MARCHF7: variants seen among roughly 807,000 people sequenced by gnomAD.
MARCHF7 encodes E3 ubiquitin-protein ligase MARCHF7.
In MARCHF7, 20 loss-of-function variants were observed where a neutral mutation model predicts 76.5. The observed-to-expected ratio is 0.26, with a 90% confidence interval of 0.18 to 0.38. The LOEUF (loss-of-function observed/expected upper bound fraction) is 0.38. MARCHF7 is among the 10% of genes least tolerant of loss of function. The pLI is 1.00. For synonymous variants in MARCHF7, 295 were observed against 293.0 expected (o/e 1.01, Z -0.07); for missense variants, 797 against 812.9 (o/e 0.98, Z 0.24).
intron 3 of MARCHF7, among the ~76,000 whole-genome samples, chr2:159,718,304 G>C (rs1246251226): frequency 6.6e-6 from 1 of 151,988 alleles, no homozygotes; most frequent in African/African-American, 2.4e-5. Context: ...CCTAGCCTCA[G>C]TTTTCTATTT....
At chr2:159,760,762 C>G (rs1020633351) in intron 9 of MARCHF7, among the ~76,000 whole-genome samples, 1 of 150,766 alleles carries the variant, frequency 6.6e-6, no homozygotes, top group Non-Finnish European at 1.5e-5. Flanking sequence ...CTCTGTCATG[C>G]CTTTTCCTTT....
At chr2:159,742,534 T>A (rs1337433784) in intron 4 of MARCHF7, among the ~76,000 whole-genome samples, 2 of 140,064 alleles carry the variant, frequency 1.4e-5, no homozygotes, top group Non-Finnish European at 3.2e-5. Context: ...CAGTGTTTCA[T>A]AACCAAGTGT....
In MARCHF7 at chr2:159,729,046, T is replaced by A. The variant is rs1340408411; in HGVS notation, c.24T>A (p.Ile8=). ...GAATGGAGTCTAAACCTTCAAGGAT[T>A]CCAAGAAGAATTTCTGTTCAACCTT... MESKPSR[I]PRRISVQPSS... is the part of the protein sequence containing the mutation. The change falls in exon 4 of 12, where the codon ATT becomes ATA. Residue 8 remains isoleucine (I), a synonymous_variant. Transcript: ENST00000409175. 6.3e-7 allele frequency: 1 copy of A among 1,590,060 alleles called. No homozygotes were observed. The highest frequency in any genetic ancestry group is 8.5e-7 in the Non-Finnish European group (1 of 1,172,514).
At chr2:159,764,255 T>TGTGTGTGTGTGTGTGTGCGCGCGC (rs10592175) in intron 10 of MARCHF7, among the ~76,000 whole-genome samples, 8 of 131,364 alleles carry the variant, frequency 6.1e-5, no homozygotes, top group East Asian at 2.3e-4. Context: ...TGTGTGTGTG[T>TGTGTGTGTGTGTGTGTGCGCGCGC]GCGCGCGCCC....
In MARCHF7 at chr2:159,757,969, C is replaced by T. The variant is rs147984988; in HGVS notation, c.1784-1257C>T. On this transcript the variant is annotated intron_variant, in intron 8 of 11. Transcript: ENST00000409175. ...GTACATAAGTTACTGCTGTCTTGGA[C>T]CTTATGCCAAATTTTACTCTTAAAA... Among the ~76,000 whole-genome samples, 59 of 152,254 alleles carry T rather than the reference C, an allele frequency of 3.9e-4. 3 individuals carry two copies. In the East Asian group the frequency reaches 0.011, roughly 28 times the overall value.
At chr2:159,723,847 T>C (rs1701891169) in intron 3 of MARCHF7, among the ~76,000 whole-genome samples, 1 of 152,134 alleles carries the variant, frequency 6.6e-6, no homozygotes, top group South Asian at 2.1e-4. Context: ...TACCACCATC[T>C]CTACCACATG....
chr2:159,729,724 A>G (rs1031198505), intron 4 of MARCHF7, among the ~76,000 whole-genome samples: 2 of 152,026 alleles, frequency 1.3e-5, no homozygotes, highest in African/African-American at 2.4e-5. Flanking sequence ...ACGTAAAAAC[A>G]TAAGTATAAA....
intron 10 of MARCHF7, among the ~76,000 whole-genome samples, chr2:159,764,009 C>G (rs937806264): frequency 1.3e-5 from 2 of 152,084 alleles, no homozygotes; most frequent in African/African-American, 4.8e-5. Flanking sequence ...TACCTTAAGT[C>G]TTCAGGATGA....
intron 1 of MARCHF7, among the ~76,000 whole-genome samples, chr2:159,714,051 G>T (rs1303317608): frequency 6.6e-6 from 1 of 152,136 alleles, no homozygotes; most frequent in Non-Finnish European, 1.5e-5. Context: ...GGATGCCCAG[G>T]TTATGTTCTA....
chr2:159,744,030 C>T (rs1250687263), intron 5 of MARCHF7, among the ~76,000 whole-genome samples: 1 of 112,334 alleles, frequency 8.9e-6, no homozygotes, highest in Admixed American at 1.1e-4. Context: ...CTCTGTCGCC[C>T]AGGCTGGAGT....
At chr2:159,732,968 A>C in intron 4 of MARCHF7, 2 of 976,254 alleles carry the variant, frequency 2.0e-6, no homozygotes, top group Non-Finnish European at 2.4e-6. Flanking sequence ...TGAAAGAAAG[A>C]ATACATGTGA....
At chr2:159,739,277 C>T (rs1197311113) in intron 4 of MARCHF7, among the ~76,000 whole-genome samples, 2 of 152,252 alleles carry the variant, frequency 1.3e-5, no homozygotes, top group East Asian at 1.9e-4. Context: ...CACGCCTCCC[C>T]TGCTGCAGCC....
chr2:159,733,423 A>G, intron 4 of MARCHF7: 1 of 637,032 alleles, frequency 1.6e-6, no homozygotes, highest in Non-Finnish European at 2.0e-6. Flanking sequence ...TTTTTTGTAG[A>G]TGTGAAGTCT....
intron 4 of MARCHF7, among the ~76,000 whole-genome samples, chr2:159,740,302 T>G (rs1188572432): frequency 6.6e-6 from 1 of 152,224 alleles, no homozygotes; most frequent in Non-Finnish European, 1.5e-5. Context: ...TCAGTAAGTT[T>G]ATGCAGTCTG....
At chr2:159,741,273 G>GT (rs1704088455) in intron 4 of MARCHF7, among the ~76,000 whole-genome samples, 1 of 152,122 alleles carries the variant, frequency 6.6e-6, no homozygotes, top group South Asian at 2.1e-4. Flanking sequence ...GGAGACTGAG[G>GT]TGGGAGGATC....
rs1708028405 is a variant in MARCHF7 at position 159,768,680 on chromosome 2, T to G, written c.*1338T>G. 4 of 152,630 alleles carry G rather than the reference T, an allele frequency of 2.6e-5. No individual in the cohort carries two copies. The highest frequency in any genetic ancestry group is 4.1e-4 in the South Asian group (2 of 4,828). The allele number at this position is 152,630 out of a possible 1,614,324, so 9.5% of individuals were successfully genotyped here. ...TCAAATCTCATTTTAAGCAATAATATAAATGTTCTAAAACATTTGCTCACC... is the reference window on the plus strand; with the variant it reads ...TCAAATCTCATTTTAAGCAATAATAGAAATGTTCTAAAACATTTGCTCACC... On this transcript the variant is annotated 3_prime_UTR_variant, in exon 12 of 12. Coordinates refer to ENST00000409175, the MANE Select transcript of MARCHF7 (RefSeq NM_001282805.2).
chr2:159,738,320 A>G (rs555904542), intron 4 of MARCHF7, among the ~76,000 whole-genome samples: 1 of 152,242 alleles, frequency 6.6e-6, no homozygotes, highest in African/African-American at 2.4e-5. Context: ...GGACTCCCCA[A>G]AGGGTCAGAG....
chr2:159,758,263 C>T (rs531210574), intron 8 of MARCHF7, among the ~76,000 whole-genome samples: 8 of 152,168 alleles, frequency 5.3e-5, no homozygotes, highest in African/African-American at 1.7e-4. Context: ...CAAATTGGAA[C>T]CAAAAAGCTT....
intron 8 of MARCHF7, 24 bp from the exon 9 acceptor site, chr2:159,759,202 T>C: frequency 1.5e-6 from 2 of 1,308,390 alleles, no homozygotes; most frequent in East Asian, 4.6e-5. Context: ...AACTAAGCTT[T>C]ATTTGTAATT....
Sources: gnomAD v4.1 joint callset for allele counts (sites outside exome capture counted in the v4.1 genomes callset) on GRCh38, gnomAD v4.1.1 for gene constraint, MANE v1.5 for transcripts, NCBI Gene and HGNC (gene_info 2026-07-23, HGNC 2026-07-21) for gene names.